Variants in EPS15L1 observed in about 807,000 individuals in gnomAD.
EPS15L1 encodes the protein epidermal growth factor receptor substrate 15-like 1.
EPS15L1 carries 43 observed loss-of-function variants against 117.1 expected under a neutral mutation model. The ratio of observed to expected loss-of-function variants is 0.37; its 90% CI spans 0.29 to 0.47. EPS15L1 has a LOEUF of 0.47. EPS15L1 is among the 20% of genes least tolerant of loss of function. The pLI is 0.99. For missense variants in EPS15L1, 981 were observed against 1,164.0 expected (o/e 0.84, Z 2.29); for synonymous variants, 459 against 470.5 (o/e 0.98, Z 0.32).
chr19:16,355,718 A>T lies in EPS15L1; in HGVS notation c.2720T>A (p.Met907Lys). ...CACGGCCCTCGCCTAGGCGGCAGGC[A>T]TGTCAGCCTTGCTGAGCGCGATGGC... is the stretch of plus-strand genomic sequence containing the variant. Reference protein sequence around the residue: ...ELAIALSKADMPAA With the variant: ...ELAIALSKADKPAA The change falls in exon 24 of 24, where the codon ATG becomes AAG. Residue 907 changes from methionine to lysine, a missense_variant. Transcript: ENST00000455140. 1 of 1,535,798 alleles carries T rather than the reference A, an allele frequency of 6.5e-7. No homozygotes were observed.
At chr19:16,403,657 G>T in intron 15 of EPS15L1, 76 bp downstream of exon 15, 1 of 1,355,838 alleles carries the variant, frequency 7.4e-7, no homozygotes, top group South Asian at 1.2e-5. Context: ...GAGCAAAGGA[G>T]TTCAGCAGTG....
intron 23 of EPS15L1, among the ~76,000 whole-genome samples, chr19:16,360,075 T>C (rs1272461444): frequency 6.6e-6 from 1 of 151,322 alleles, no homozygotes; most frequent in East Asian, 1.9e-4. Flanking sequence ...TTTTTTTTTT[T>C]TTTATGCTTT....
intron 12 of EPS15L1, among the ~76,000 whole-genome samples, chr19:16,414,642 G>GC (rs1305421070): frequency 6.6e-6 from 1 of 150,972 alleles, no homozygotes; most frequent in African/African-American, 2.4e-5. Context: ...CTAGTGATCC[G>GC]CCCGCCTCAG....
chr19:16,467,541 C>CA (rs200142581), intron 1 of EPS15L1, among the ~76,000 whole-genome samples: 22,059 of 147,232 alleles, frequency 0.15, 1,642 homozygotes, highest in African/African-American at 0.19. Context: ...ACAACAAAAA[C>CA]AAAAAAAAAA....
intron 8 of EPS15L1, among the ~76,000 whole-genome samples, chr19:16,425,759 C>G (rs2092865462): frequency 6.6e-6 from 1 of 152,074 alleles, no homozygotes; most frequent in African/African-American, 2.4e-5. Flanking sequence ...GAGCTGTGAT[C>G]GCGCCACTGC....
chr19:16,393,249 G>T (rs1451710325), intron 18 of EPS15L1, among the ~76,000 whole-genome samples: 1 of 151,876 alleles, frequency 6.6e-6, no homozygotes, highest in Non-Finnish European at 1.5e-5. Flanking sequence ...GAATGTTGTG[G>T]AACTAGATGA....
intron 19 of EPS15L1, among the ~76,000 whole-genome samples, chr19:16,386,669 A>C (rs1016515442): frequency 6.6e-6 from 1 of 152,212 alleles, no homozygotes; most frequent in African/African-American, 2.4e-5. Flanking sequence ...AGGAAGGGGA[A>C]TCGGGATGGA....
In EPS15L1 at chr19:16,370,540, C is replaced by A. The variant is rs1368284225; in HGVS notation, c.2380+6582G>T. Among the ~76,000 whole-genome samples the A allele has an allele frequency of 1.3e-5, 2 of 152,118 alleles. No individual in the cohort carries two copies. Among genetic ancestry groups the A allele is most frequent in the African/African-American group, 4.8e-5 (2 of 41,424 alleles). On this transcript the variant is annotated intron_variant, in intron 22 of 23. Coordinates refer to ENST00000455140, the MANE Select transcript of EPS15L1 (RefSeq NM_001258374.3). This position sits in a 1 kb window ranked among gnomAD's most constrained non-coding sequence, Gnocchi z 5.2. ...GCCTGCACCCCACCCTGCAGCCCCC[C>A]AGGCCTCAGCATTTGCACCCCACTG...
chr19:16,415,337 T>C (rs934835877), intron 12 of EPS15L1, among the ~76,000 whole-genome samples: 4 of 152,186 alleles, frequency 2.6e-5, no homozygotes, highest in Admixed American at 6.5e-5. Flanking sequence ...TGGTTTGTTA[T>C]AGCAGTATGA....
At chr19:16,464,022 C>T (rs371427043) in intron 1 of EPS15L1, among the ~76,000 whole-genome samples, 9 of 152,342 alleles carry the variant, frequency 5.9e-5, no homozygotes, top group East Asian at 1.9e-4. Flanking sequence ...CTGGGAAACA[C>T]GGGGAGCAGG....
intron 21 of EPS15L1, 65 bp from the exon 22 acceptor site, chr19:16,377,319 T>C: frequency 1.9e-6 from 3 of 1,583,366 alleles, no homozygotes; most frequent in Non-Finnish European, 2.6e-6. Flanking sequence ...GGATGTCCAC[T>C]GAACAGACGC....
At chr19:16,443,123 C>T (rs1360003429) in intron 1 of EPS15L1, among the ~76,000 whole-genome samples, 1 of 152,188 alleles carries the variant, frequency 6.6e-6, no homozygotes, top group African/African-American at 2.4e-5. Context: ...GCACACAAAC[C>T]TGCCGCTGAT....
At position 16,404,227 on chromosome 19, in the gene EPS15L1, A is replaced by C. The variant is rs941340443; in HGVS notation, c.1429-297T>G. ...TCCCCCCAGAGGCTGAACGTCATAG[A>C]GTTTTCTGAGGTTGCAGCCTCCGGG... On this transcript the variant is annotated intron_variant, in intron 14 of 23. Transcript: ENST00000455140. This position sits in a 1 kb window ranked among gnomAD's most constrained non-coding sequence, Gnocchi z 4.2. Among the ~76,000 whole-genome samples the C allele has an allele frequency of 1.3e-5, 2 of 152,118 alleles. No homozygotes were observed. Among genetic ancestry groups the C allele is most frequent in the Non-Finnish European group, 1.5e-5 (1 of 68,016 alleles).
intron 6 of EPS15L1, chr19:16,434,751 C>T (rs939624219): frequency 9.4e-5 from 33 of 352,112 alleles, no homozygotes; most frequent in African/African-American, 5.4e-4. Context: ...TCTTGTCCTT[C>T]GTCCTAGCTG....
At chr19:16,415,047 T>C (rs1296205485) in intron 12 of EPS15L1, among the ~76,000 whole-genome samples, 1 of 152,148 alleles carries the variant, frequency 6.6e-6, no homozygotes, top group Non-Finnish European at 1.5e-5. Flanking sequence ...GTGCATGTAT[T>C]TCCTAGCACT....
intron 1 of EPS15L1, among the ~76,000 whole-genome samples, chr19:16,443,020 T>G (rs942827104): frequency 3.9e-5 from 6 of 151,940 alleles, no homozygotes; most frequent in African/African-American, 1.2e-4. Flanking sequence ...CCCAGGGGAG[T>G]GTGCCAACCT....
chr19:16,391,775 T>C (rs945853299), intron 19 of EPS15L1, among the ~76,000 whole-genome samples: 1 of 152,084 alleles, frequency 6.6e-6, no homozygotes, highest in African/African-American at 2.4e-5. Flanking sequence ...AGTTGGCTGA[T>C]GCTCTCAGGA....
At chr19:16,443,438 G>C (rs2093051848) in intron 1 of EPS15L1, 1 of 152,286 alleles carries the variant, frequency 6.6e-6, no homozygotes, top group Non-Finnish European at 1.5e-5. Context: ...GCCGGGCGCA[G>C]TGGCTCACGC....
At position 16,471,814 on chromosome 19, in the gene EPS15L1, G is replaced by T; in HGVS notation, c.33+99C>A. 4.7e-6 allele frequency: 1 copy of T among 214,030 alleles called. No homozygotes were observed. The highest frequency in any genetic ancestry group is 8.1e-6 in the Non-Finnish European group (1 of 123,586). The allele number at this position is 214,030 out of a possible 1,614,324, so 13.3% of individuals were successfully genotyped here. A position where few individuals can be genotyped will look rare whatever the true frequency, so the allele number is the denominator to read the frequency against. On this transcript the variant is annotated intron_variant, in intron 1 of 23. Coordinates refer to ENST00000455140, the MANE Select transcript of EPS15L1 (RefSeq NM_001258374.3). The surrounding 1 kb of genome is among the most constrained non-coding windows in gnomAD (Gnocchi z 4.8). ...AAGCCCTTCAGCACGCGCCGCCCCC[G>T]CCGCCGCCTGGCTGAGTCTCCCAGC...
Sources: allele counts gnomAD v4.1 joint callset (sites outside exome capture counted in the v4.1 genomes callset), GRCh38; gene constraint gnomAD v4.1.1; non-coding constraint Gnocchi (gnomAD v3.1); transcripts MANE v1.5; gene names NCBI Gene and HGNC (gene_info 2026-07-23, HGNC 2026-07-21).